Variants in SHISA9 observed in about 807,000 individuals in gnomAD.
The protein encoded by SHISA9 is shisa family member 9.
Under a neutral mutation model 38.0 loss-of-function variants are expected in SHISA9, and 13 were observed. That is an observed-to-expected ratio of 0.34 (90% CI 0.22 to 0.54). The LOEUF is 0.54. SHISA9 is among the 20% of genes least tolerant of loss of function. The pLI, the probability that SHISA9 is intolerant of heterozygous loss-of-function variation, is 0.91. For missense variants in SHISA9, 538 were observed against 575.8 expected (o/e 0.93, Z 0.67); for synonymous variants, 275 against 242.0 (o/e 1.14, Z -1.27).
the SHISA9 span, among the ~76,000 whole-genome samples, chr16:13,492,340 G>T: frequency 6.6e-6 from 1 of 152,146 alleles, no homozygotes; most frequent in Non-Finnish European, 1.5e-5. Flanking sequence ...AAACAGGTGA[G>T]GTTAACGGTG....
rs145754778 is a variant in SHISA9 at position 13,234,825 on chromosome 16, C to T, written c.896-205C>T. Among the ~76,000 whole-genome samples the T allele has an allele frequency of 7.8e-3, 1,187 of 152,080 alleles. 8 individuals are homozygous for T. The highest frequency in any genetic ancestry group is 0.027 in the African/African-American group (1,108 of 41,472). On this transcript the variant is annotated intron_variant, in intron 4 of 4. Coordinates refer to ENST00000558583, the MANE Select transcript of SHISA9 (RefSeq NM_001145204.3). ...GGGGATGCCTTTAATCCTCTTGGTC[C>T]TGCTCTTTGTTTGTGAAAAGGGCAT...
chr16:12,968,056 G>A (rs762750079), intron 2 of SHISA9, among the ~76,000 whole-genome samples: 3 of 151,940 alleles, frequency 2.0e-5, no homozygotes, highest in African/African-American at 7.3e-5. Context: ...CGGATGTGGT[G>A]GCACATGCTT....
intron 2 of SHISA9, among the ~76,000 whole-genome samples, chr16:12,943,242 AG>A (rs1220464907): frequency 6.1e-5 from 9 of 147,720 alleles, no homozygotes; most frequent in Non-Finnish European, 1.3e-4. Flanking sequence ...CAAATCTCAC[AG>A]GTTGAAGAGA....
chr16:13,538,917 T>C, the SHISA9 span, among the ~76,000 whole-genome samples: 1 of 152,110 alleles, frequency 6.6e-6, no homozygotes, highest in Non-Finnish European at 1.5e-5. Context: ...GAGAAATATG[T>C]AAAGAGATGA....
intron 2 of SHISA9, among the ~76,000 whole-genome samples, chr16:13,171,165 G>T (rs535459893): frequency 2.2e-4 from 34 of 152,174 alleles, no homozygotes; most frequent in African/African-American, 8.2e-4. Context: ...AAAGATCCCA[G>T]ACTCTTTTTA....
intron 2 of SHISA9, among the ~76,000 whole-genome samples, chr16:12,994,842 A>C (rs1244568314): frequency 6.6e-6 from 1 of 152,158 alleles, no homozygotes; most frequent in Non-Finnish European, 1.5e-5. Flanking sequence ...GGTCCCATTT[A>C]CTATGATTAA....
intron 2 of SHISA9, among the ~76,000 whole-genome samples, chr16:13,122,129 G>A (rs2050217528): frequency 6.6e-6 from 1 of 152,192 alleles, no homozygotes; most frequent in Admixed American, 6.6e-5. Flanking sequence ...CTTGCCCATA[G>A]TAGGGGCTCA....
At chr16:13,372,089 G>A in the SHISA9 span, among the ~76,000 whole-genome samples, 5 of 152,118 alleles carry the variant, frequency 3.3e-5, no homozygotes, top group Admixed American at 2.6e-4. Context: ...ATATCTGCCC[G>A]CGGATTGATA....
intron 2 of SHISA9, among the ~76,000 whole-genome samples, chr16:13,033,374 A>G (rs2073015157): frequency 1.3e-5 from 2 of 152,176 alleles, no homozygotes; most frequent in South Asian, 4.1e-4. Flanking sequence ...CTTCCACTAT[A>G]AGAACCAAAA....
At chr16:13,119,408 A>G (rs1347718228) in intron 2 of SHISA9, among the ~76,000 whole-genome samples, 1 of 152,188 alleles carries the variant, frequency 6.6e-6, no homozygotes, top group Non-Finnish European at 1.5e-5. Context: ...TTTTTGAGCC[A>G]GTCTCAGGGT....
intron 2 of SHISA9, among the ~76,000 whole-genome samples, chr16:13,009,915 A>G (rs2072649047): frequency 1.3e-5 from 2 of 152,284 alleles, no homozygotes; most frequent in African/African-American, 2.4e-5. Context: ...AGTGGCTCAC[A>G]CTTGTAATCT....
At chr16:13,074,971 T>G (rs1306358643) in intron 2 of SHISA9, among the ~76,000 whole-genome samples, 1 of 152,170 alleles carries the variant, frequency 6.6e-6, no homozygotes, top group African/African-American at 2.4e-5. Context: ...GCCATTACTA[T>G]TATTTTTATT....
chr16:13,069,064 T>A (rs918593000), intron 2 of SHISA9, among the ~76,000 whole-genome samples: 1 of 152,106 alleles, frequency 6.6e-6, no homozygotes, highest in African/African-American at 2.4e-5. Flanking sequence ...TGTATATGTA[T>A]GTGTGTACAT....
chr16:13,077,146 A>C (rs2073591849), intron 2 of SHISA9, among the ~76,000 whole-genome samples: 1 of 151,962 alleles, frequency 6.6e-6, no homozygotes, highest in Non-Finnish European at 1.5e-5. Context: ...TCCGCCTTTC[A>C]CCCTGGACTG....
At chr16:13,049,891 C>T (rs1440648570) in intron 2 of SHISA9, among the ~76,000 whole-genome samples, 2 of 152,052 alleles carry the variant, frequency 1.3e-5, no homozygotes, top group African/African-American at 2.4e-5. Flanking sequence ...TCCGGAACCC[C>T]ACTCCTGGTA....
At position 13,058,956 on chromosome 16, in the gene SHISA9, G is replaced by A. The variant is rs903752361; in HGVS notation, c.691+142141G>A. On this transcript the variant is annotated intron_variant, in intron 2 of 4. Transcript: ENST00000558583. ...GTGGGTTTGGGGGGTGGACATTTGG[G>A]AAGGTGTTTCCATATGCATTTTCTG... Among the ~76,000 whole-genome samples, 9 of 151,990 alleles carry A rather than the reference G, an allele frequency of 5.9e-5. No homozygotes were observed. The South Asian group carries it at 1.0e-3, about 18-fold the overall frequency.
At chr16:13,521,456 T>C in the SHISA9 span, among the ~76,000 whole-genome samples, 4 of 152,314 alleles carry the variant, frequency 2.6e-5, 1 homozygote, top group South Asian at 6.2e-4. Flanking sequence ...TGACTCTGCT[T>C]GTTTTCTTGA....
chr16:13,119,813 TC>T lies in SHISA9; in HGVS notation c.692-83580del, dbSNP rs2074067899. On this transcript the variant is annotated intron_variant, in intron 2 of 4. Transcript: ENST00000558583. ...CCAAGTTCTTGGCTAACTAGTTATT[TC>T]AGGCAAGTACTTAATATTGAAAGGG... 1.3e-5 allele frequency among the ~76,000 whole-genome samples: 2 copies of T among 152,236 alleles called. 1 individual carries two copies. The highest frequency in any genetic ancestry group is 4.1e-4 in the South Asian group (2 of 4,836).
intron 2 of SHISA9, among the ~76,000 whole-genome samples, chr16:13,157,969 A>G (rs2142010068): frequency 6.6e-6 from 1 of 152,264 alleles, no homozygotes; most frequent in East Asian, 1.9e-4. Context: ...CCCCTCTAAC[A>G]TGGGCTCCTC....
Sources: gnomAD v4.1 joint callset for allele counts (sites outside exome capture counted in the v4.1 genomes callset) on GRCh38, gnomAD v4.1.1 for gene constraint, MANE v1.5 for transcripts, NCBI Gene and HGNC (gene_info 2026-07-23, HGNC 2026-07-21) for gene names.